The following KDM6A variants were observed in gnomAD, a reference collection of about 807,000 sequenced individuals.
KDM6A encodes lysine-specific demethylase 6A.
A neutral mutation model predicts 117.6 loss-of-function variants in KDM6A; 11 were observed. The observed-to-expected ratio is 0.09, with a 90% CI of 0.06 to 0.15. The LOEUF (loss-of-function observed/expected upper bound fraction) is 0.15. KDM6A is among the 10% of genes least tolerant of loss of function. KDM6A has a pLI of 1.00. For missense variants in KDM6A, 799 were observed against 1,077.3 expected, an observed-to-expected ratio of 0.74 and a Z score of 3.62; for synonymous variants, 384 against 396.1, an observed-to-expected ratio of 0.97 and a Z score of 0.36.
In KDM6A at chrX:44,985,228, A is replaced by G. The variant is rs998001020; in HGVS notation, c.384+10513A>G. ...ACTCTCTGTCTGTTATTGGTGTATA[A>G]GAATGCTTATGATTTTTGCACATGG... On this transcript the variant is annotated intron_variant, in intron 4 of 29. Coordinates refer to ENST00000611820, the MANE Select transcript of KDM6A (RefSeq NM_001291415.2). Among the ~76,000 whole-genome samples, 68 of 111,714 alleles carry G rather than the reference A, an allele frequency of 6.1e-4. 1 individual carries two copies. Among genetic ancestry groups the G allele is most frequent in the Admixed American group, 1.3e-3 (14 of 10,490 alleles).
intron 19 of KDM6A, among the ~76,000 whole-genome samples, chrX:45,077,552 A>G (rs1056682051): frequency 9.0e-6 from 1 of 110,717 alleles, no homozygotes; most frequent in African/African-American, 3.3e-5. Flanking sequence ...TCTAGAGGCC[A>G]AATATTATCA....
intron 2 of KDM6A, among the ~76,000 whole-genome samples, chrX:44,913,690 T>C (rs1361281759): frequency 9.1e-6 from 1 of 110,449 alleles, no homozygotes; most frequent in Admixed American, 9.7e-5. Flanking sequence ...TCAAAGACTA[T>C]AAAAAGTCAC....
chrX:44,882,563 C>A (rs889381996), intron 2 of KDM6A, among the ~76,000 whole-genome samples: 1 of 112,155 alleles, frequency 8.9e-6, no homozygotes, highest in African/African-American at 3.2e-5. Flanking sequence ...CTATAGTGTT[C>A]TGTGATAGAA....
chrX:45,042,008 G>A (rs1285665610), intron 8 of KDM6A, among the ~76,000 whole-genome samples: 7 of 110,589 alleles, frequency 6.3e-5, no homozygotes, highest in Non-Finnish European at 1.3e-4. Flanking sequence ...CCGGCACCTC[G>A]GGAGGCCGAG....
intron 4 of KDM6A, among the ~76,000 whole-genome samples, chrX:44,984,588 A>G (rs769845536): frequency 1.8e-5 from 2 of 111,714 alleles, no homozygotes; most frequent in South Asian, 7.5e-4. Context: ...TAATTTTTGT[A>G]TAAGGTGTAA....
intron 2 of KDM6A, among the ~76,000 whole-genome samples, chrX:44,907,142 G>A (rs980887586): frequency 8.9e-6 from 1 of 111,878 alleles, no homozygotes; most frequent in African/African-American, 3.2e-5. Context: ...TGTTCACTAT[G>A]GTTACTTTTC....
intron 10 of KDM6A, among the ~76,000 whole-genome samples, chrX:45,054,587 C>G (rs1327436682): frequency 2.7e-5 from 3 of 111,742 alleles, no homozygotes; most frequent in African/African-American, 9.8e-5. Flanking sequence ...TAGTGATGAT[C>G]TGAACTATAC....
intron 21 of KDM6A, among the ~76,000 whole-genome samples, chrX:45,079,647 G>A (rs895686013): frequency 3.6e-5 from 4 of 111,640 alleles, no homozygotes; most frequent in Non-Finnish European, 7.5e-5. Flanking sequence ...AGGTTCAAGC[G>A]ATTCTCCTGT....
intron 2 of KDM6A, among the ~76,000 whole-genome samples, chrX:44,887,899 A>G (rs1296341313): frequency 9.0e-6 from 1 of 111,660 alleles, no homozygotes; most frequent in Non-Finnish European, 1.9e-5. Context: ...TTCCAGCTAC[A>G]TGGGAAAACC....
rs2043088515 is a variant in KDM6A, at chrX:45,040,641, C to T, written c.654+2952C>T. Among the ~76,000 whole-genome samples, 2 of 90,410 alleles carry T rather than the reference C, an allele frequency of 2.2e-5. 1 individual carries two copies. The highest frequency in any genetic ancestry group is 2.2e-4 in the Admixed American group (2 of 9,099). The allele number at this position is 90,410 out of a possible 115,157, so 78.5% of individuals were successfully genotyped here. ...GCGGGGGGCTGATCACACCACTTCC[C>T]TCCCGGACGGGGCGGCTGGCCGGGC... On this transcript the variant is annotated intron_variant, in intron 8 of 29. Coordinates refer to ENST00000611820, the MANE Select transcript of KDM6A (RefSeq NM_001291415.2).
At chrX:44,929,237 A>G (rs1233361786) in intron 2 of KDM6A, among the ~76,000 whole-genome samples, 3 of 100,575 alleles carry the variant, frequency 3.0e-5, no homozygotes, top group Admixed American at 1.0e-4. Flanking sequence ...AGAAATGTCT[A>G]AGGGACTTTT....
intron 7 of KDM6A, among the ~76,000 whole-genome samples, chrX:45,035,629 G>A (rs1359344796): frequency 2.7e-5 from 3 of 110,845 alleles, no homozygotes; most frequent in African/African-American, 9.8e-5. Flanking sequence ...CAGTAAAAAG[G>A]TTTAAGAATA....
chrX:44,921,977 T>A (rs981865284), intron 2 of KDM6A, among the ~76,000 whole-genome samples: 26 of 105,507 alleles, frequency 2.5e-4, no homozygotes, highest in African/African-American at 7.5e-4. Context: ...ACCGTTTTTT[T>A]AATTTTAGTC....
intron 2 of KDM6A, among the ~76,000 whole-genome samples, chrX:44,924,010 A>G (rs2036149018): frequency 8.9e-6 from 1 of 112,298 alleles, no homozygotes; most frequent in Non-Finnish European, 1.9e-5. Context: ...GGCATGAGCC[A>G]CTGTGCCCGG....
At chrX:44,899,222 TGC>T (rs1471635636) in intron 2 of KDM6A, among the ~76,000 whole-genome samples, 4 of 56,085 alleles carry the variant, frequency 7.1e-5, no homozygotes, top group African/African-American at 2.9e-4. Context: ...TGTGTGTGTA[TGC>T]GTGTGTGTGT....
chrX:45,091,751 A>G (rs1602995334), intron 27 of KDM6A, among the ~76,000 whole-genome samples: 1 of 112,162 alleles, frequency 8.9e-6, no homozygotes, highest in Non-Finnish European at 1.9e-5. Flanking sequence ...TTAATTGATA[A>G]AAATAAGTTT....
At position 45,076,253 on chromosome X, in the gene KDM6A, A is replaced by G. The variant is rs187429859; in HGVS notation, c.2859-444A>G. 7.2e-5 allele frequency among the ~76,000 whole-genome samples: 8 copies of G among 111,641 alleles called. 1 individual carries two copies. Among genetic ancestry groups the G allele is most frequent in the Admixed American group, 4.8e-4 (5 of 10,489 alleles). On this transcript the variant is annotated intron_variant, in intron 18 of 29. Transcript: ENST00000611820. ...AAATCTCAGGTTTGAGAGTTGTTAC[A>G]AAGATATTCTGATTATAATTGCTAA...
chrX:45,041,459 G>T (rs2043197207), intron 8 of KDM6A, among the ~76,000 whole-genome samples: 1 of 107,102 alleles, frequency 9.3e-6, no homozygotes, highest in Non-Finnish European at 1.9e-5. Flanking sequence ...CCCGGACGGG[G>T]TGGCTGCCGG....
At chrX:45,035,709 C>CT (rs1187320182) in intron 7 of KDM6A, among the ~76,000 whole-genome samples, 1 of 106,091 alleles carries the variant, frequency 9.4e-6, no homozygotes, top group East Asian at 3.2e-4. Flanking sequence ...TTATTATTTT[C>CT]TTTTTTTTGA....
Sources: allele counts gnomAD v4.1 joint callset (sites outside exome capture counted in the v4.1 genomes callset), GRCh38; gene constraint gnomAD v4.1.1; transcripts MANE v1.5; gene names NCBI Gene and HGNC (gene_info 2026-07-23, HGNC 2026-07-21).